The following RALGPS1 variants were observed in gnomAD, a reference collection of about 807,000 sequenced individuals.
The protein encoded by RALGPS1 is Ral GEF with PH domain and SH3 binding motif 1.
RALGPS1 carries 19 observed loss-of-function variants against 78.8 expected under a neutral mutation model. The ratio of observed to expected loss-of-function variants is 0.24; its 90% CI spans 0.17 to 0.35. RALGPS1 has a LOEUF of 0.35. Among genes scored for constraint, RALGPS1 ranks in the 10% least tolerant of loss-of-function variants. RALGPS1 has a pLI of 1.00. For missense variants in RALGPS1, 454 were observed against 688.3 expected, an observed-to-expected ratio of 0.66 and a Z score of 3.81; for synonymous variants, 228 against 256.3, an observed-to-expected ratio of 0.89 and a Z score of 1.06.
At chr9:127,030,421 A>G (rs2046327989) in intron 4 of RALGPS1, among the ~76,000 whole-genome samples, 1 of 152,218 alleles carries the variant, frequency 6.6e-6, no homozygotes, top group Admixed American at 6.5e-5. Flanking sequence ...CACAGTGTGC[A>G]AAGGCAAGGC....
intron 13 of RALGPS1, among the ~76,000 whole-genome samples, chr9:127,197,563 G>C (rs1023461807): frequency 1.3e-5 from 2 of 152,146 alleles, no homozygotes; most frequent in African/African-American, 2.4e-5. Flanking sequence ...CTCTGTGAAA[G>C]CAAGTCAGTC....
intron 8 of RALGPS1, among the ~76,000 whole-genome samples, chr9:127,162,242 T>G (rs1165359686): frequency 6.6e-6 from 1 of 152,232 alleles, no homozygotes; most frequent in Admixed American, 6.5e-5. Flanking sequence ...GCGTTAGGCC[T>G]GATGGGGAGT....
At chr9:127,042,133 G>T (rs901943072) in intron 5 of RALGPS1, among the ~76,000 whole-genome samples, 4 of 151,900 alleles carry the variant, frequency 2.6e-5, no homozygotes, top group East Asian at 1.9e-4. Context: ...TTCTTTGATT[G>T]TTTTTTTCAT....
At chr9:127,155,369 A>G (rs563210057) in intron 8 of RALGPS1, among the ~76,000 whole-genome samples, 71 of 152,310 alleles carry the variant, frequency 4.7e-4, no homozygotes, top group African/African-American at 1.7e-3. Context: ...CTGCGAGCCC[A>G]GGAGGAGCCA....
chr9:127,009,825 T>C (rs566286315), intron 4 of RALGPS1, among the ~76,000 whole-genome samples: 1 of 152,262 alleles, frequency 6.6e-6, no homozygotes, highest in South Asian at 2.1e-4. Context: ...CTTCCCACTT[T>C]CTTGAAGGTT....
intron 17 of RALGPS1, 47 bp downstream of exon 17, chr9:127,213,096 T>C (rs1277274871): frequency 6.2e-7 from 1 of 1,612,600 alleles, no homozygotes; most frequent in African/African-American, 1.3e-5. Context: ...CTCTGCCCAT[T>C]TCCTCTCTTG....
chr9:126,925,155 A>C (rs2035148246), intron 1 of RALGPS1, among the ~76,000 whole-genome samples: 1 of 151,894 alleles, frequency 6.6e-6, no homozygotes, highest in Non-Finnish European at 1.5e-5. Context: ...TAAATAAATA[A>C]ATATAAAAAT....
At chr9:127,015,546 G>A (rs966997144) in intron 4 of RALGPS1, among the ~76,000 whole-genome samples, 3 of 152,154 alleles carry the variant, frequency 2.0e-5, no homozygotes, top group South Asian at 2.1e-4. Context: ...CTTCCTGGCG[G>A]TTGGTTATCT....
At chr9:126,934,378 T>A (rs902811655) in intron 1 of RALGPS1, among the ~76,000 whole-genome samples, 1 of 152,228 alleles carries the variant, frequency 6.6e-6, no homozygotes, top group South Asian at 2.1e-4. Flanking sequence ...AAATCCAGCA[T>A]GTATTCCTGG....
intron 8 of RALGPS1, among the ~76,000 whole-genome samples, chr9:127,092,227 C>T (rs981676657): frequency 3.9e-5 from 6 of 152,246 alleles, no homozygotes; most frequent in East Asian, 3.8e-4. Flanking sequence ...TGCAGGAACA[C>T]GTGTGCTGTG....
At chr9:127,184,282 C>T (rs1471211888) in intron 11 of RALGPS1, 4 of 439,102 alleles carry the variant, frequency 9.1e-6, no homozygotes, top group Admixed American at 3.6e-5. Flanking sequence ...ATCGCGCCAC[C>T]GCGCTCCAGC....
At chr9:127,019,370 C>G (rs1161395200) in intron 4 of RALGPS1, among the ~76,000 whole-genome samples, 1 of 151,868 alleles carries the variant, frequency 6.6e-6, no homozygotes, top group Non-Finnish European at 1.5e-5. Context: ...CTTTGTCGCC[C>G]AGGCTGGAGT....
intron 2 of RALGPS1, among the ~76,000 whole-genome samples, chr9:126,964,991 C>T (rs1029766860): frequency 7.2e-5 from 11 of 152,150 alleles, no homozygotes; most frequent in African/African-American, 2.7e-4. Context: ...GAACAGGGCA[C>T]AATTTTTGGG....
intron 11 of RALGPS1, among the ~76,000 whole-genome samples, chr9:127,186,784 C>T (rs116750661): frequency 0.01 from 1,587 of 152,332 alleles, 40 homozygotes; most frequent in African/African-American, 0.036. Context: ...CCCACCCTTC[C>T]TCCAGTTGGG....
intron 4 of RALGPS1, among the ~76,000 whole-genome samples, chr9:127,006,434 C>A (rs1468907867): frequency 6.6e-6 from 1 of 152,164 alleles, no homozygotes; most frequent in Non-Finnish European, 1.5e-5. Context: ...TATACCACTG[C>A]CTTCCTTTGG....
chr9:126,942,700 A>T (rs529964882), intron 1 of RALGPS1, among the ~76,000 whole-genome samples: 1 of 152,342 alleles, frequency 6.6e-6, no homozygotes, highest in African/African-American at 2.4e-5. Context: ...TGAAATTTTA[A>T]ATCAATTTGT....
chr9:127,075,074 A>G (rs776660409), intron 8 of RALGPS1, among the ~76,000 whole-genome samples: 6 of 152,194 alleles, frequency 3.9e-5, no homozygotes, highest in Non-Finnish European at 7.3e-5. Flanking sequence ...CAGAGTTTCT[A>G]GACAGATGCA....
chr9:127,198,779 G>A lies in RALGPS1; in HGVS notation c.1196-236G>A, dbSNP rs532123444. Among the ~76,000 whole-genome samples, 19 of 152,272 alleles carry A rather than the reference G, an allele frequency of 1.2e-4. 1 individual carries two copies. Among genetic ancestry groups the A allele is most frequent in the African/African-American group, 4.6e-4 (19 of 41,550 alleles). On this transcript the variant is annotated intron_variant, in intron 13 of 18. Transcript: ENST00000259351. The stretch of plus-strand genomic sequence containing the variant: ...GCGGGCCAGTGGGCAGTTAGCTGTG[G>A]CCCCCGGGGGCAGTGGGAAGGTAGC...
intron 3 of RALGPS1, among the ~76,000 whole-genome samples, chr9:126,976,373 A>G (rs1221874959): frequency 6.9e-6 from 1 of 145,752 alleles, no homozygotes; most frequent in African/African-American, 2.6e-5. Flanking sequence ...ACACATACAC[A>G]CACTTATACG....
Sources: allele counts gnomAD v4.1 joint callset (sites outside exome capture counted in the v4.1 genomes callset), GRCh38; gene constraint gnomAD v4.1.1; transcripts MANE v1.5; gene names NCBI Gene and HGNC (gene_info 2026-07-23, HGNC 2026-07-21).